NFIX: variants seen among roughly 807,000 people sequenced by gnomAD.
NFIX encodes nuclear factor I X, also known as nuclear factor 1 X-type.
In NFIX, 2 loss-of-function variants were observed where a neutral mutation model predicts 53.3. The ratio of observed to expected loss-of-function variants is 0.04; its 90% CI spans 0.02 to 0.12. NFIX has a LOEUF of 0.12. Ranked by LOEUF, NFIX falls within the 10% of genes least tolerant of loss-of-function variation. NFIX has a pLI of 1.00. For synonymous variants in NFIX, 244 were observed against 289.0 expected, an observed-to-expected ratio of 0.84 and a Z score of 1.58; for missense variants, 310 against 674.5, an observed-to-expected ratio of 0.46 and a Z score of 5.99.
chr19:12,997,725 C>A (rs1449427199), intron 1 of NFIX, among the ~76,000 whole-genome samples: 1 of 152,124 alleles, frequency 6.6e-6, no homozygotes, highest in East Asian at 1.9e-4. Flanking sequence ...TGAGCCTGCT[C>A]CCCCATGGCT....
At chr19:13,038,248 G>T (rs1266659658) in intron 2 of NFIX, among the ~76,000 whole-genome samples, 1 of 152,030 alleles carries the variant, frequency 6.6e-6, no homozygotes, top group Non-Finnish European at 1.5e-5. Flanking sequence ...ATTTAAAAAA[G>T]AATGGAAAAA....
chr19:13,083,297 C>A (rs973553160), intron 8 of NFIX, among the ~76,000 whole-genome samples: 2 of 152,198 alleles, frequency 1.3e-5, no homozygotes, highest in African/African-American at 4.8e-5. Context: ...CTGGGATATG[C>A]CGCAGAGAGG....
In NFIX at chr19:13,001,087, C is replaced by T. The variant is rs1045637237; in HGVS notation, c.27+5223C>T. Among the ~76,000 whole-genome samples the T allele has an allele frequency of 1.3e-5, 2 of 152,200 alleles. No individual in the cohort carries two copies. The highest frequency in any genetic ancestry group is 4.8e-5 in the African/African-American group (2 of 41,428). On this transcript the variant is annotated intron_variant, in intron 1 of 10. Transcript: ENST00000592199. This position sits in a 1 kb window ranked among gnomAD's most constrained non-coding sequence, Gnocchi z 6.5. ...TGAGAATGGGCCTTCTGTCCCCTCC[C>T]TCCCAGCTGGGGTGGGGAAAAGGAG...
rs767239356 is a variant in NFIX, at chr19:13,093,226, T to A, written c.1495-1409T>A. On this transcript the variant is annotated intron_variant, in intron 10 of 10. Coordinates refer to ENST00000592199, the MANE Select transcript of NFIX (RefSeq NM_001365902.3). The surrounding 1 kb of genome is among the most constrained non-coding windows in gnomAD (Gnocchi z 4.7). ...AATGGAAATGAGAACATTTCCATTG[T>A]CACAGAAAGTGCTAGATGATCTCCA... Among the ~76,000 whole-genome samples the A allele has an allele frequency of 5.3e-5, 8 of 152,222 alleles. No homozygotes were observed. The highest frequency in any genetic ancestry group is 7.3e-5 in the Non-Finnish European group (5 of 68,034).
chr19:13,023,882 C>G, intron 1 of NFIX: 1 of 674,782 alleles, frequency 1.5e-6, no homozygotes. Flanking sequence ...CCCTATTCCC[C>G]AGAACACCAA....
chr19:13,015,498 T>A (rs2012608927), intron 1 of NFIX, among the ~76,000 whole-genome samples: 1 of 152,150 alleles, frequency 6.6e-6, no homozygotes, highest in African/African-American at 2.4e-5. Flanking sequence ...AGGGTTCTTG[T>A]GGACAGGGAT....
chr19:13,050,180 C>T (rs190707898), intron 2 of NFIX, among the ~76,000 whole-genome samples: 3 of 152,370 alleles, frequency 2.0e-5, no homozygotes, highest in Admixed American at 2.0e-4. Context: ...GGTTGGGCCC[C>T]TGCTGACCCT....
At chr19:13,079,926 A>C (rs557446792) in intron 7 of NFIX, among the ~76,000 whole-genome samples, 27 of 152,344 alleles carry the variant, frequency 1.8e-4, no homozygotes, top group African/African-American at 5.5e-4. Context: ...TGAGCACATG[A>C]GAACACCGCC....
chr19:13,025,488 A>G lies in NFIX; in HGVS notation c.495A>G (p.Pro165=), dbSNP rs1300672964. 1 of 1,613,940 alleles carries G rather than the reference A, an allele frequency of 6.2e-7. No homozygotes were observed. The highest frequency in any genetic ancestry group is 8.5e-7 in the Non-Finnish European group (1 of 1,179,916). ...QCSNPGLCVQ[P]HHIGVTIKEL... The stretch of plus-strand genomic sequence containing the variant: ...CGAACCCCGGCCTGTGCGTCCAGCC[A>G]CATCACATTGGAGTCACAATCAAAG... The change falls in exon 2 of 11, where the codon CCA becomes CCG. Residue 165 remains proline (P), a synonymous_variant. Coordinates refer to ENST00000592199, the MANE Select transcript of NFIX (RefSeq NM_001365902.3). The surrounding 1 kb of genome is among the most constrained non-coding windows in gnomAD (Gnocchi z 7.5).
At chr19:13,000,900 G>A (rs748236750) in intron 1 of NFIX, among the ~76,000 whole-genome samples, 30 of 152,172 alleles carry the variant, frequency 2.0e-4, no homozygotes, top group Admixed American at 5.2e-4. Context: ...AAATGCCCCC[G>A]TGGTTGGTGT....
intron 2 of NFIX, among the ~76,000 whole-genome samples, chr19:13,063,679 T>A (rs913422384): frequency 1.1e-4 from 16 of 152,138 alleles, no homozygotes; most frequent in African/African-American, 4.8e-5. Context: ...TTAGTTTTAG[T>A]TTTGTCTTTT....
rs1186740362 is a variant in NFIX, at chr19:13,051,692, G to A, written c.560-21355G>A. On this transcript the variant is annotated intron_variant, in intron 2 of 10. Coordinates refer to ENST00000592199, the MANE Select transcript of NFIX (RefSeq NM_001365902.3). The surrounding 1 kb of genome is among the most constrained non-coding windows in gnomAD (Gnocchi z 5.1). ...CCCTTCTTGGCCCTCTCCTCTCCCT[G>A]GGCCTCTTCCCCACGTGGCTCATTA... Among the ~76,000 whole-genome samples, 1 of 152,162 alleles carries A rather than the reference G, an allele frequency of 6.6e-6. No homozygotes were observed. The highest frequency in any genetic ancestry group is 1.5e-5 in the Non-Finnish European group (1 of 68,018).
At position 13,094,529 on chromosome 19, in the gene NFIX, C is replaced by G. The variant is rs1222131669; in HGVS notation, c.1495-106C>G. The G allele has an allele frequency of 1.6e-6, 2 of 1,212,728 alleles. No homozygotes were observed. The highest frequency in any genetic ancestry group is 2.3e-6 in the Non-Finnish European group (2 of 866,786). 75.1% of individuals were successfully genotyped at this position (1,212,728 alleles called of 1,614,324 possible). On this transcript the variant is annotated intron_variant, in intron 10 of 10. Coordinates refer to ENST00000592199, the MANE Select transcript of NFIX (RefSeq NM_001365902.3). This position sits in a 1 kb window ranked among gnomAD's most constrained non-coding sequence, Gnocchi z 4.3. ...GTGGTGGCTGCCCGGCACCCTGGCT[C>G]TTTGGGAGCTGGACCCTTGAGGGGC...
rs2016899266 is a variant in NFIX, at chr19:13,073,623, C to T, written c.697+127C>T. 6 of 887,094 alleles carry T rather than the reference C, an allele frequency of 6.8e-6. No homozygotes were observed. The highest frequency in any genetic ancestry group is 5.0e-5 in the East Asian group (2 of 40,140). The allele number at this position is 887,094 out of a possible 1,614,324, so 55.0% of individuals were successfully genotyped here. On this transcript the variant is annotated intron_variant, in intron 4 of 10. Transcript: ENST00000592199. This position sits in a 1 kb window ranked among gnomAD's most constrained non-coding sequence, Gnocchi z 4.5. ...GAACAGATGCTTTCTGGGACACTCT[C>T]GGCTTCACTGGTGCTGGGCTGGGTA... is the stretch of plus-strand genomic sequence containing the variant.
In NFIX at chr19:13,028,374, G is replaced by A. The variant is rs1260237383; in HGVS notation, c.559+2822G>A. ...AGAGCCAGATCTGGGCTGAGCTGGGGGTCCTGGGTTTCATGACAGTAACGG... is the reference window on the plus strand; with the variant it reads ...AGAGCCAGATCTGGGCTGAGCTGGGAGTCCTGGGTTTCATGACAGTAACGG... On this transcript the variant is annotated intron_variant, in intron 2 of 10. Coordinates refer to ENST00000592199, the MANE Select transcript of NFIX (RefSeq NM_001365902.3). The surrounding 1 kb of genome is among the most constrained non-coding windows in gnomAD (Gnocchi z 4.2). 6.6e-6 allele frequency among the ~76,000 whole-genome samples: 1 copy of A among 152,184 alleles called. No individual in the cohort carries two copies. Among genetic ancestry groups the A allele is most frequent in the Non-Finnish European group, 1.5e-5 (1 of 68,028 alleles).
At chr19:13,048,025 T>G (rs1190050191) in intron 2 of NFIX, among the ~76,000 whole-genome samples, 3 of 152,170 alleles carry the variant, frequency 2.0e-5, no homozygotes, top group Admixed American at 6.5e-5. Context: ...CTGAACCCTA[T>G]CTCATTTAAG....
At chr19:13,033,583 T>G (rs1204813768) in intron 2 of NFIX, among the ~76,000 whole-genome samples, 2 of 152,234 alleles carry the variant, frequency 1.3e-5, no homozygotes, top group Non-Finnish European at 2.9e-5. Context: ...TTGTCCAGGC[T>G]CCTAACAACT....
chr19:13,008,183 T>C (rs1302521089), intron 1 of NFIX, among the ~76,000 whole-genome samples: 2 of 152,188 alleles, frequency 1.3e-5, no homozygotes, highest in East Asian at 3.9e-4. Context: ...GCTCCGATCC[T>C]TGGGGTCCTG....
chr19:13,073,385 G>C lies in NFIX; in HGVS notation c.623-37G>C. 1 of 1,564,818 alleles carries C rather than the reference G, an allele frequency of 6.4e-7. No homozygotes were observed. The highest frequency in any genetic ancestry group is 8.8e-7 in the Non-Finnish European group (1 of 1,135,080). On this transcript the variant is annotated intron_variant, in intron 3 of 10. Coordinates refer to ENST00000592199, the MANE Select transcript of NFIX (RefSeq NM_001365902.3). The surrounding 1 kb of genome is among the most constrained non-coding windows in gnomAD (Gnocchi z 4.5). ...GAAATAGCCAGGCAGCCCCCTTCTG[G>C]CCTTGTCTTGACTCACTCATCCTTT...
Sources: allele counts gnomAD v4.1 joint callset (sites outside exome capture counted in the v4.1 genomes callset), GRCh38; gene constraint gnomAD v4.1.1; non-coding constraint Gnocchi (gnomAD v3.1); transcripts MANE v1.5; gene names NCBI Gene and HGNC (gene_info 2026-07-23, HGNC 2026-07-21).